MEF2C: variants seen among roughly 807,000 people sequenced by gnomAD.
The protein encoded by MEF2C is myocyte enhancer factor 2C.
MEF2C carries 6 observed loss-of-function variants against 50.5 expected under a neutral mutation model. That is an observed-to-expected ratio of 0.12 (90% CI 0.07 to 0.23). The LOEUF (loss-of-function observed/expected upper bound fraction) is 0.23. MEF2C is among the 10% of genes least tolerant of loss of function. The pLI, the probability that MEF2C is intolerant of heterozygous loss-of-function variation, is 1.00. For missense variants in MEF2C, 276 were observed against 605.0 expected (o/e 0.46, Z 5.70); for synonymous variants, 183 against 228.0 (o/e 0.80, Z 1.78).
intron 1 of MEF2C, among the ~76,000 whole-genome samples, chr5:88,856,585 G>A (rs1017168351): frequency 3.3e-5 from 5 of 152,226 alleles, no homozygotes; most frequent in Admixed American, 2.6e-4. Context: ...GGTTTTGTGG[G>A]CCAGGCCCAA....
intron 4 of MEF2C, among the ~76,000 whole-genome samples, chr5:88,755,400 T>C (rs999271177): frequency 6.6e-6 from 1 of 152,234 alleles, no homozygotes; most frequent in Non-Finnish European, 1.5e-5. Flanking sequence ...TCTGTTGCTT[T>C]TGCTACCAAA....
intron 6 of MEF2C, chr5:88,734,561 GTTTGTTTTTTTTTTTTTTTTTTTTT>G (rs1210360090): frequency 4.1e-6 from 1 of 244,240 alleles, no homozygotes; most frequent in Non-Finnish European, 4.9e-6. Context: ...CTTGAGAAAA[GTTTGTTTTTTTTTTTTTTTTTTTTT>G]TTTTTTTTTT....
At chr5:88,872,651 T>C (rs936283658) in intron 1 of MEF2C, among the ~76,000 whole-genome samples, 5 of 152,088 alleles carry the variant, frequency 3.3e-5, no homozygotes, top group Non-Finnish European at 7.4e-5. Context: ...TTACTGATCA[T>C]TTACTATGTA....
chr5:88,738,209 A>C (rs1764928818), intron 6 of MEF2C: 1 of 985,246 alleles, frequency 1.0e-6, no homozygotes, highest in Non-Finnish European at 1.2e-6. Flanking sequence ...AGAAGCATGA[A>C]AGTAATCTGA....
chr5:88,819,841 C>T (rs528322142), intron 2 of MEF2C, among the ~76,000 whole-genome samples: 1 of 152,002 alleles, frequency 6.6e-6, no homozygotes, highest in Admixed American at 6.6e-5. Context: ...TAGGGCAGAG[C>T]TGAGTAGTTG....
At chr5:88,803,909 T>G (rs985716339) in intron 3 of MEF2C, among the ~76,000 whole-genome samples, 1 of 152,238 alleles carries the variant, frequency 6.6e-6, no homozygotes, top group Non-Finnish European at 1.5e-5. Flanking sequence ...AGCATCATGC[T>G]TATTTATTTT....
At position 88,813,939 on chromosome 5, in the gene MEF2C, C is replaced by G. The variant is rs151169192; in HGVS notation, c.55-9138G>C. ...CTCATTATGTGAAAATATTTCAGGT[C>G]GGCTACTCCACCTCATCCCCCCACC... On this transcript the variant is annotated intron_variant, in intron 2 of 10. Transcript: ENST00000504921. Among the ~76,000 whole-genome samples, 464 of 151,898 alleles carry G rather than the reference C, an allele frequency of 3.1e-3. 12 individuals are homozygous for G. Among genetic ancestry groups the G allele is most frequent in the Admixed American group, 0.028 (422 of 15,248 alleles).
chr5:88,799,237 C>T (rs530891721), intron 3 of MEF2C, among the ~76,000 whole-genome samples: 2 of 152,188 alleles, frequency 1.3e-5, no homozygotes, highest in Non-Finnish European at 2.9e-5. Flanking sequence ...GCTGAAGCTG[C>T]GCCCACAGCT....
chr5:88,840,587 A>G (rs752225743), intron 1 of MEF2C, among the ~76,000 whole-genome samples: 1 of 151,916 alleles, frequency 6.6e-6, no homozygotes, highest in East Asian at 1.9e-4. Flanking sequence ...CCCTTGCCAG[A>G]TTTGTTTCTA....
chr5:88,741,410 T>C, intron 6 of MEF2C: 1 of 985,418 alleles, frequency 1.0e-6, no homozygotes, highest in South Asian at 4.7e-5. Context: ...AATAGTGCCA[T>C]CCCTAAAATA....
chr5:88,820,709 T>G (rs536638989), intron 2 of MEF2C, among the ~76,000 whole-genome samples: 1 of 152,152 alleles, frequency 6.6e-6, no homozygotes, highest in South Asian at 2.1e-4. Flanking sequence ...CAAAGCATTT[T>G]TCTTTGCAAC....
chr5:88,862,765 G>T (rs1004243730), intron 1 of MEF2C, among the ~76,000 whole-genome samples: 3 of 152,092 alleles, frequency 2.0e-5, no homozygotes, highest in African/African-American at 7.2e-5. Context: ...TAGGAAATAG[G>T]GCAGGAGTGG....
At chr5:88,812,448 T>C (rs1581098584) in intron 2 of MEF2C, among the ~76,000 whole-genome samples, 1 of 152,270 alleles carries the variant, frequency 6.6e-6, no homozygotes, top group Non-Finnish European at 1.5e-5. Context: ...TTTATTTTTT[T>C]GTCATTTTAA....
At chr5:88,865,133 G>A (rs1161677460) in intron 1 of MEF2C, among the ~76,000 whole-genome samples, 1 of 152,106 alleles carries the variant, frequency 6.6e-6, no homozygotes, top group Non-Finnish European at 1.5e-5. Flanking sequence ...CTGACCTCAA[G>A]TGATTCTGTA....
Position 88,738,075 on chromosome 5 carries a change from G to C in MEF2C, c.638-6174C>G, listed in dbSNP as rs1019217741. The C allele has an allele frequency of 1.9e-5, 19 of 985,184 alleles. No homozygotes were observed. The African/African-American group carries it at 3.1e-4, about 16-fold the overall frequency. 61.0% of individuals were successfully genotyped at this position (985,184 alleles called of 1,614,324 possible). A position where few individuals can be genotyped will look rare whatever the true frequency, so the allele number is the denominator to read the frequency against. Reference sequence around the variant, plus strand: ...GAGAGAAAGGTTTACAGGCATCCAGGAGTTGGGGACAAAAAAAAGATAAGG... The same window carrying C: ...GAGAGAAAGGTTTACAGGCATCCAGCAGTTGGGGACAAAAAAAAGATAAGG... On this transcript the variant is annotated intron_variant, in intron 6 of 10. Transcript: ENST00000504921.
chr5:88,822,734 T>C (rs1808983535), intron 2 of MEF2C, among the ~76,000 whole-genome samples: 1 of 151,996 alleles, frequency 6.6e-6, no homozygotes, highest in Non-Finnish European at 1.5e-5. Context: ...TCTACATTTG[T>C]GGGGAAATTA....
At chr5:88,759,592 G>A (rs1776950460) in intron 4 of MEF2C, among the ~76,000 whole-genome samples, 1 of 151,846 alleles carries the variant, frequency 6.6e-6, no homozygotes, top group African/African-American at 2.4e-5. Context: ...TAATAATTCT[G>A]GACATAACAA....
At chr5:88,836,640 G>C (rs991780627) in intron 1 of MEF2C, among the ~76,000 whole-genome samples, 2 of 152,222 alleles carry the variant, frequency 1.3e-5, no homozygotes, top group African/African-American at 4.8e-5. Context: ...CTGGGCCAGA[G>C]TGAGCTGAGA....
intron 1 of MEF2C, among the ~76,000 whole-genome samples, chr5:88,896,003 T>A (rs1292883411): frequency 1.3e-5 from 2 of 152,108 alleles, no homozygotes. Context: ...AGGTGGTGTT[T>A]TAGGGAGCAC....
Sources: gnomAD v4.1 joint callset for allele counts (sites outside exome capture counted in the v4.1 genomes callset) on GRCh38, gnomAD v4.1.1 for gene constraint, MANE v1.5 for transcripts, NCBI Gene and HGNC (gene_info 2026-07-23, HGNC 2026-07-21) for gene names.